IQCM: variants seen among roughly 807,000 people sequenced by gnomAD.
IQCM encodes the protein IQ motif containing M.
IQCM carries 45 observed loss-of-function variants against 57.6 expected under a neutral mutation model. The ratio of observed to expected loss-of-function variants is 0.78; its 90% CI spans 0.62 to 1.00. IQCM has a LOEUF of 1.00. Among genes scored for constraint, IQCM ranks in the 50% least tolerant of loss-of-function variants. The pLI, the probability that IQCM is intolerant of heterozygous loss-of-function variation, is 0.00. For missense variants in IQCM, 468 were observed against 511.6 expected (o/e 0.91, Z 0.82); for synonymous variants, 148 against 158.9 (o/e 0.93, Z 0.51).
chr4:149,507,261 G>A (rs1482898278), intron 12 of IQCM, among the ~76,000 whole-genome samples: 1 of 152,196 alleles, frequency 6.6e-6, no homozygotes, highest in Non-Finnish European at 1.5e-5. Context: ...ACAGCAGAGT[G>A]AGGCGCTGCT....
chr4:149,793,704 T>A (rs1772848566), intron 2 of IQCM: 1 of 152,018 alleles, frequency 6.6e-6, no homozygotes, highest in African/African-American at 2.4e-5. Context: ...CAGCATTCAG[T>A]CCATGATAGA....
chr4:149,716,636 C>T (rs1432404860), intron 5 of IQCM, among the ~76,000 whole-genome samples: 1 of 152,182 alleles, frequency 6.6e-6, no homozygotes, highest in Admixed American at 6.5e-5. Context: ...ATCTTTGCAG[C>T]AGCCGCTCCA....
intron 12 of IQCM, among the ~76,000 whole-genome samples, chr4:149,542,845 A>G (rs1412688125): frequency 1.3e-5 from 2 of 152,124 alleles, no homozygotes; most frequent in African/African-American, 2.4e-5. Context: ...TTTAAGCCTC[A>G]TAACAGTCCA....
At chr4:149,780,444 G>A (rs1771494583) in intron 2 of IQCM, 1 of 151,936 alleles carries the variant, frequency 6.6e-6, no homozygotes, top group African/African-American at 2.4e-5. Flanking sequence ...AAGACAGAGA[G>A]TCTCATCATC....
At chr4:149,698,828 A>G (rs1763535277) in intron 5 of IQCM, among the ~76,000 whole-genome samples, 1 of 152,084 alleles carries the variant, frequency 6.6e-6, no homozygotes, top group Non-Finnish European at 1.5e-5. Flanking sequence ...GAACTTTACA[A>G]TTTATCACCG....
At chr4:149,674,402 C>T (rs765796404) in intron 7 of IQCM, among the ~76,000 whole-genome samples, 1 of 152,080 alleles carries the variant, frequency 6.6e-6, no homozygotes, top group Non-Finnish European at 1.5e-5. Flanking sequence ...TGCTAACTGC[C>T]TTTATGGAGA....
At chr4:149,687,110 C>T (rs1209149232) in intron 5 of IQCM, among the ~76,000 whole-genome samples, 1 of 151,458 alleles carries the variant, frequency 6.6e-6, no homozygotes, top group African/African-American at 2.4e-5. Flanking sequence ...TATTGAGCAC[C>T]TTCTAGCTAC....
chr4:149,723,307 G>A (rs1765608657), intron 5 of IQCM, among the ~76,000 whole-genome samples: 1 of 151,890 alleles, frequency 6.6e-6, no homozygotes, highest in Admixed American at 6.6e-5. Context: ...GCTCTGCCCA[G>A]GACCTCCAGT....
chr4:149,674,872 G>A (rs990480360), intron 7 of IQCM, among the ~76,000 whole-genome samples: 3 of 151,988 alleles, frequency 2.0e-5, no homozygotes, highest in Non-Finnish European at 1.5e-5. Context: ...AGCTAGAGAA[G>A]AAATTAAAAA....
intron 10 of IQCM, among the ~76,000 whole-genome samples, chr4:149,558,180 T>G (rs1304016622): frequency 1.3e-5 from 2 of 152,168 alleles, no homozygotes; most frequent in Non-Finnish European, 2.9e-5. Flanking sequence ...TTTTTATGAT[T>G]CTCTCTTTAC....
chr4:149,675,813 T>C (rs1206198549), intron 7 of IQCM, among the ~76,000 whole-genome samples: 3 of 151,928 alleles, frequency 2.0e-5, no homozygotes, highest in African/African-American at 7.2e-5. Context: ...CCAATGACTA[T>C]GTAGAGATGT....
At chr4:149,752,459 G>T (rs2149938614) in intron 2 of IQCM, among the ~76,000 whole-genome samples, 1 of 151,642 alleles carries the variant, frequency 6.6e-6, no homozygotes, top group African/African-American at 2.4e-5. Flanking sequence ...GGCTGAGGCA[G>T]GAGAATTGCT....
intron 8 of IQCM, among the ~76,000 whole-genome samples, chr4:149,614,077 A>T (rs2150059288): frequency 6.6e-6 from 1 of 152,272 alleles, no homozygotes; most frequent in Non-Finnish European, 1.5e-5. Context: ...TTTAAAAAAT[A>T]TGACCAGCAA....
intron 2 of IQCM, among the ~76,000 whole-genome samples, chr4:149,752,328 G>A (rs1000398750): frequency 1.3e-5 from 2 of 152,108 alleles, no homozygotes; most frequent in African/African-American, 4.8e-5. Context: ...GAGGAAGGTG[G>A]ATCACCTGAA....
chr4:149,456,509 A>G (rs1378822490), intron 12 of IQCM, among the ~76,000 whole-genome samples: 3 of 152,068 alleles, frequency 2.0e-5, no homozygotes, highest in Non-Finnish European at 4.4e-5. Context: ...ACAGTATTTT[A>G]AATAATTTTG....
chr4:149,352,166 T>C (rs2110856138), intron 13 of IQCM, 100 bp from the exon 14 acceptor site: 2 of 395,608 alleles, frequency 5.1e-6, no homozygotes, highest in East Asian at 3.6e-5. Context: ...AAACTAATTA[T>C]GGTTGTGTTA....
chr4:149,704,167 T>A (rs188765291), intron 5 of IQCM, among the ~76,000 whole-genome samples: 123 of 152,086 alleles, frequency 8.1e-4, no homozygotes, highest in Non-Finnish European at 1.5e-3. Context: ...CCTATTTTAC[T>A]TTATTAACAT....
rs368442778 is a variant in IQCM at position 149,462,640 on chromosome 4, CT to C, written c.1229-29084del. 4.7e-4 allele frequency among the ~76,000 whole-genome samples: 72 copies of C among 152,196 alleles called. No homozygotes were observed. In the East Asian group the frequency reaches 0.013, roughly 27 times the overall value. On this transcript the variant is annotated intron_variant, in intron 12 of 13. Coordinates refer to ENST00000636793, the MANE Select transcript of IQCM (RefSeq NM_001363507.2). ...TTTACCTTACATGTGTCTTTTTCTCCTTTTTCCACTTGGGACCCATTAGTTA... is the reference window on the plus strand; with the variant it reads ...TTTACCTTACATGTGTCTTTTTCTCCTTTTCCACTTGGGACCCATTAGTTA...
At chr4:149,509,160 A>G (rs1011055142) in intron 12 of IQCM, among the ~76,000 whole-genome samples, 15 of 152,152 alleles carry the variant, frequency 9.9e-5, no homozygotes, top group African/African-American at 3.6e-4. Context: ...TCCCTTCATC[A>G]TCCTCAATAT....
Sources: gnomAD v4.1 joint callset for allele counts (sites outside exome capture counted in the v4.1 genomes callset) on GRCh38, gnomAD v4.1.1 for gene constraint, MANE v1.5 for transcripts, NCBI Gene and HGNC (gene_info 2026-07-23, HGNC 2026-07-21) for gene names.